The following CUL4B variants were observed in gnomAD, a reference collection of about 807,000 sequenced individuals.
CUL4B encodes the protein cullin 4B, also known as cullin-4B.
In CUL4B, 1 loss-of-function variant was observed where a neutral mutation model predicts 69.2. The observed-to-expected ratio is 0.01, with a 90% CI of 0.01 to 0.07. The LOEUF (loss-of-function observed/expected upper bound fraction) is 0.07. Among genes scored for constraint, CUL4B ranks in the 10% least tolerant of loss-of-function variants. CUL4B has a pLI of 1.00. For missense variants in CUL4B, 328 were observed against 638.8 expected (o/e 0.51, Z 5.24); for synonymous variants, 237 against 223.2 (o/e 1.06, Z -0.55).
chrX:120,550,963 T>G (rs944016038), intron 2 of CUL4B, among the ~76,000 whole-genome samples: 4 of 111,220 alleles, frequency 3.6e-5, no homozygotes, highest in Non-Finnish European at 7.5e-5. Context: ...CCCAAAAAAC[T>G]AATAATGTCT....
At chrX:120,529,965 G>T in intron 19 of CUL4B, 137 bp downstream of exon 19, 3 of 579,630 alleles carry the variant, frequency 5.2e-6, no homozygotes, top group Non-Finnish European at 2.6e-6. Flanking sequence ...GAAATCATAT[G>T]CATCAACATG....
chrX:120,564,384 T>C (rs2081155817), upstream of CUL4B, among the ~76,000 whole-genome samples: 1 of 111,803 alleles, frequency 8.9e-6, no homozygotes, highest in Non-Finnish European at 1.9e-5. Context: ...GGCGGGCCGA[T>C]CACCTGAGGT....
intron 2 of CUL4B, among the ~76,000 whole-genome samples, chrX:120,551,680 C>T (rs993805678): frequency 3.6e-5 from 4 of 112,170 alleles, no homozygotes; most frequent in African/African-American, 6.5e-5. Context: ...AAAATCTTCA[C>T]GAACCTACAC....
intron 2 of CUL4B, among the ~76,000 whole-genome samples, chrX:120,548,142 T>C (rs1924446757): frequency 9.0e-6 from 1 of 111,179 alleles, no homozygotes. Flanking sequence ...GGCCCAGTGG[T>C]GTGTACCTGT....
At chrX:120,550,431 G>C (rs1924619427) in intron 2 of CUL4B, among the ~76,000 whole-genome samples, 1 of 111,789 alleles carries the variant, frequency 8.9e-6, no homozygotes, top group Admixed American at 9.6e-5. Context: ...GAGTGTGCTA[G>C]ATGCTATGAT....
chrX:120,554,405 C>T (rs745846568), intron 2 of CUL4B, among the ~76,000 whole-genome samples: 32 of 112,049 alleles, frequency 2.9e-4, no homozygotes, highest in Admixed American at 8.5e-4. Flanking sequence ...AAAACAAGCA[C>T]GCAAACAAAC....
Position 120,572,532 on chromosome X carries a change from A to G in CUL4B, c.68-532T>C, listed in dbSNP as rs1381902219. On this transcript the variant is annotated intron_variant, in intron 2 of 2. Coordinates refer to the CUL4B transcript ENST00000486604. ...TCTCAACAACCTTTGACTACAAAAT[A>G]AGGTGAAATCTCCACTCAGTCCCTG... Among the ~76,000 whole-genome samples, 3 of 110,024 alleles carry G rather than the reference A, an allele frequency of 2.7e-5. No homozygotes were observed. In the East Asian group the frequency reaches 8.5e-4, roughly 31 times the overall value.
In CUL4B at chrX:120,560,665, G is replaced by A. The variant is rs944142680; in HGVS notation, c.-27C>T. The A allele has an allele frequency of 2.5e-5, 30 of 1,193,026 alleles. No homozygotes were observed. The highest frequency in any genetic ancestry group is 3.1e-5 in the Non-Finnish European group (28 of 892,728). The stretch of plus-strand genomic sequence containing the variant: ...AAAATAGCGGGGTCAACAGGCAGAG[G>A]AGCATCAAAAACCTACGTTTATATG... On this transcript the variant is annotated 5_prime_UTR_variant, in exon 1 of 20. Transcript: ENST00000371322.
intron 8 of CUL4B, 37 bp from the exon 9 acceptor site, chrX:120,543,070 T>C: frequency 1.0e-6 from 1 of 965,166 alleles, no homozygotes. Flanking sequence ...ATTATTGACG[T>C]TTGACTTCCA....
At chrX:120,559,754 C>T in intron 1 of CUL4B, 1 of 1,034,406 alleles carries the variant, frequency 9.7e-7, no homozygotes, top group Non-Finnish European at 1.3e-6. Flanking sequence ...AATAAATAAA[C>T]CTCTTTAGAA....
chrX:120,537,931 T>G (rs1341771631), intron 14 of CUL4B, among the ~76,000 whole-genome samples, 193 bp downstream of exon 14: 2 of 112,080 alleles, frequency 1.8e-5, no homozygotes, highest in African/African-American at 6.5e-5. Flanking sequence ...TCTGGGTGTT[T>G]GTCAAAAATA....
At chrX:120,550,085 GTTC>G (rs1291281800) in intron 2 of CUL4B, among the ~76,000 whole-genome samples, 1 of 111,472 alleles carries the variant, frequency 9.0e-6, no homozygotes, top group Non-Finnish European at 1.9e-5. Flanking sequence ...CTTCCAATAA[GTTC>G]TTCTTAATTG....
Position 120,560,735 on chromosome X carries a change from G to A in CUL4B, c.-97C>T. The A allele has an allele frequency of 1.9e-6, 2 of 1,045,820 alleles. No homozygotes were observed. The highest frequency in any genetic ancestry group is 2.5e-6 in the Non-Finnish European group (2 of 804,792). The allele number at this position is 1,045,820 out of a possible 1,213,427, so 86.2% of individuals were successfully genotyped here. A position where few individuals can be genotyped will look rare whatever the true frequency, so the allele number is the denominator to read the frequency against. On this transcript the variant is annotated 5_prime_UTR_variant, in exon 1 of 20. Coordinates refer to ENST00000371322, the MANE Select transcript of CUL4B (RefSeq NM_001079872.2). ...GAAGGTAGCAATGCTAGAGGGGGAA[G>A]GGAAGAAAGAAGAGAGGAGAAACAC...
intron 4 of CUL4B, among the ~76,000 whole-genome samples, chrX:120,546,037 A>G (rs1217540135): frequency 9.0e-6 from 1 of 111,625 alleles, no homozygotes; most frequent in Non-Finnish European, 1.9e-5. Flanking sequence ...TCAAGAGAGA[A>G]AAAAAAATAA....
At chrX:120,566,345 GTATATA>G (rs537274243), upstream of CUL4B, among the ~76,000 whole-genome samples, 1,157 of 40,835 alleles carry the variant, frequency 0.028, 18 homozygotes, top group East Asian at 0.12. Context: ...GTGTGTATAG[GTATATA>G]TATATATATA....
intron 15 of CUL4B, 31 bp from the exon 16 acceptor site, chrX:120,535,974 G>A (rs2147325596): frequency 1.0e-6 from 1 of 991,020 alleles, no homozygotes; most frequent in Non-Finnish European, 1.4e-6. Flanking sequence ...CTTTATTTAA[G>A]CTCTGTATCC....
At chrX:120,532,256 TCTC>T in intron 18 of CUL4B, 163 bp downstream of exon 18, 7 of 442,645 alleles carry the variant, frequency 1.6e-5, no homozygotes, top group Non-Finnish European at 1.9e-5. Flanking sequence ...GTACAACCAC[TCTC>T]CCAAACACCC....
intron 2 of CUL4B, among the ~76,000 whole-genome samples, chrX:120,574,096 A>T (rs1602598042): frequency 1.6e-5 from 1 of 63,657 alleles, no homozygotes; most frequent in African/African-American, 6.0e-5. Context: ...CTCCCCCATC[A>T]CCTGCCCCCC....
chrX:120,533,134 C>T (rs760533226), intron 17 of CUL4B, among the ~76,000 whole-genome samples: 2 of 112,206 alleles, frequency 1.8e-5, no homozygotes, highest in African/African-American at 3.2e-5. Context: ...CTAAAATCAT[C>T]TTTTAACTTT....
Sources: gnomAD v4.1 joint callset for allele counts (sites outside exome capture counted in the v4.1 genomes callset) on GRCh38, gnomAD v4.1.1 for gene constraint, MANE v1.5 for transcripts, NCBI Gene and HGNC (gene_info 2026-07-23, HGNC 2026-07-21) for gene names.